The following UNC13C variants were observed in gnomAD, a reference collection of about 807,000 sequenced individuals.
UNC13C encodes protein unc-13 homolog C.
In UNC13C, 174 loss-of-function variants were observed where a neutral mutation model predicts 245.4. That is an observed-to-expected ratio of 0.71 (90% CI 0.63 to 0.80). The LOEUF (loss-of-function observed/expected upper bound fraction) is 0.80, where lower values mean the gene tolerates loss of function less well. Among genes scored for constraint, UNC13C ranks in the 30% least tolerant of loss-of-function variants. The pLI is 0.00. For missense variants in UNC13C, 2,829 were observed against 2,602.9 expected (o/e 1.09, Z -1.89); for synonymous variants, 992 against 895.1 (o/e 1.11, Z -1.93).
At chr15:54,384,503 C>A (rs1016982778) in intron 17 of UNC13C, among the ~76,000 whole-genome samples, 19 of 151,918 alleles carry the variant, frequency 1.3e-4, no homozygotes, top group African/African-American at 4.6e-4. Context: ...ATACAAAAGG[C>A]AACTCAATAT....
chr15:54,180,818 T>G (rs1435102320), intron 4 of UNC13C, among the ~76,000 whole-genome samples: 1 of 152,104 alleles, frequency 6.6e-6, no homozygotes, highest in Non-Finnish European at 1.5e-5. Flanking sequence ...CTCGTATCTT[T>G]GGTCCATTTT....
chr15:54,530,871 T>G (rs1481311639), intron 25 of UNC13C, among the ~76,000 whole-genome samples: 1 of 152,158 alleles, frequency 6.6e-6, no homozygotes, highest in African/African-American at 2.4e-5. Context: ...GCTTTCAGTC[T>G]GTCAAATACA....
At chr15:54,524,921 G>T (rs868162553) in intron 24 of UNC13C, among the ~76,000 whole-genome samples, 3 of 152,094 alleles carry the variant, frequency 2.0e-5, no homozygotes, top group Non-Finnish European at 2.9e-5. Context: ...ATTTCTCTCT[G>T]CTTGATACAA....
intron 4 of UNC13C, among the ~76,000 whole-genome samples, chr15:54,231,107 A>C (rs772231907): frequency 9.2e-5 from 14 of 152,190 alleles, no homozygotes; most frequent in Admixed American, 3.9e-4. Flanking sequence ...TTTGAGGAAT[A>C]CTGAGGCTAT....
intron 22 of UNC13C, among the ~76,000 whole-genome samples, chr15:54,505,871 T>C (rs1894451803): frequency 6.6e-6 from 1 of 152,012 alleles, no homozygotes. Flanking sequence ...TGTAGGCTAT[T>C]ACGTGTGAGA....
chr15:54,431,485 A>C (rs764405818), intron 19 of UNC13C, among the ~76,000 whole-genome samples: 1 of 151,780 alleles, frequency 6.6e-6, no homozygotes, highest in Admixed American at 6.6e-5. Flanking sequence ...GTGTACAACT[A>C]TCTGGTTTTA....
intron 24 of UNC13C, among the ~76,000 whole-genome samples, chr15:54,515,000 T>C (rs1048743050): frequency 1.3e-5 from 2 of 152,160 alleles, no homozygotes; most frequent in African/African-American, 4.8e-5. Context: ...TCTTCTCCTC[T>C]AAAGTGATTT....
intron 13 of UNC13C, among the ~76,000 whole-genome samples, chr15:54,305,743 A>G (rs993134361): frequency 4.6e-5 from 7 of 152,068 alleles, no homozygotes; most frequent in Non-Finnish European, 1.5e-5. Context: ...AAACTCAGCT[A>G]CAAAGAAGAA....
the UNC13C span, among the ~76,000 whole-genome samples, chr15:53,909,346 A>C: frequency 6.8e-6 from 1 of 146,818 alleles, no homozygotes; most frequent in Non-Finnish European, 1.5e-5. Context: ...CTAACAATGA[A>C]ATATGAATCA....
chr15:54,038,124 ATTTTT>A (rs58063301), intron 2 of UNC13C, among the ~76,000 whole-genome samples: 2 of 45,034 alleles, frequency 4.4e-5, no homozygotes, highest in South Asian at 1.2e-3. Flanking sequence ...ATATATATAT[ATTTTT>A]TTTTTTTTTT....
At chr15:53,981,419 C>T (rs1289822730) in intron 1 of UNC13C, among the ~76,000 whole-genome samples, 4 of 152,140 alleles carry the variant, frequency 2.6e-5, no homozygotes, top group Non-Finnish European at 5.9e-5. Context: ...CTGAAATACA[C>T]TTTTATAGCT....
At position 54,305,208 on chromosome 15, in the gene UNC13C, G is replaced by C. The variant is rs189738961; in HGVS notation, c.4268+4835G>C. Among the ~76,000 whole-genome samples the C allele has an allele frequency of 9.2e-5, 14 of 152,160 alleles. No individual in the cohort carries two copies. The East Asian group carries it at 1.7e-3, about 19-fold the overall frequency. Reference sequence around the variant, plus strand: ...TTACATTTATTTTTACCTTCTCCTAGTGTGTTTCTAGATGCCAGAGTTTTT... The same window carrying C: ...TTACATTTATTTTTACCTTCTCCTACTGTGTTTCTAGATGCCAGAGTTTTT... On this transcript the variant is annotated intron_variant, in intron 13 of 32. Transcript: ENST00000260323.
the UNC13C span, among the ~76,000 whole-genome samples, chr15:53,854,122 G>GTTTTTTTATT: frequency 7.5e-6 from 1 of 133,578 alleles, no homozygotes; most frequent in Non-Finnish European, 1.6e-5. Flanking sequence ...GTTTTTATAG[G>GTTTTTTTATT]TTTTTTTTTT....
At chr15:54,120,624 A>G (rs2030600911) in intron 2 of UNC13C, among the ~76,000 whole-genome samples, 2 of 152,086 alleles carry the variant, frequency 1.3e-5, no homozygotes, top group Admixed American at 1.3e-4. Flanking sequence ...GCTGCCAAAC[A>G]TAGTGATTTA....
At position 54,197,278 on chromosome 15, in the gene UNC13C, A is replaced by T. The variant is rs530120645; in HGVS notation, c.3072-37752A>T. On this transcript the variant is annotated intron_variant, in intron 4 of 32. Coordinates refer to ENST00000260323, the MANE Select transcript of UNC13C (RefSeq NM_001080534.3). ...GATCACCTGAGGTCAGGAGATCGAG[A>T]CCAGCCTGGCCAACATGGCAAAACC... Among the ~76,000 whole-genome samples the T allele has an allele frequency of 3.7e-3, 569 of 152,170 alleles. 6 individuals carry two copies. The highest frequency in any genetic ancestry group is 0.013 in the African/African-American group (547 of 41,520).
At chr15:54,335,398 T>G (rs2038547454) in intron 16 of UNC13C, among the ~76,000 whole-genome samples, 1 of 152,206 alleles carries the variant, frequency 6.6e-6, no homozygotes, top group South Asian at 2.1e-4. Context: ...TTTCTTCTCC[T>G]GTTATTCTTT....
chr15:53,975,178 A>C (rs1893657329), upstream of UNC13C, among the ~76,000 whole-genome samples: 1 of 152,230 alleles, frequency 6.6e-6, no homozygotes, highest in African/African-American at 2.4e-5. Context: ...CCATACTTTA[A>C]TGGAAAGCTT....
chr15:54,414,847 A>G (rs1567252103), intron 18 of UNC13C, 135 bp from the exon 19 acceptor site: 2 of 520,386 alleles, frequency 3.8e-6, no homozygotes, highest in Non-Finnish European at 6.6e-6. Context: ...ACGAAAGTTC[A>G]TAAAGAGAAA....
chr15:54,598,505 T>A (rs993770696), intron 30 of UNC13C, among the ~76,000 whole-genome samples: 2 of 152,182 alleles, frequency 1.3e-5, no homozygotes, highest in Non-Finnish European at 2.9e-5. Context: ...CAGAGGCACA[T>A]CCAGGCACAG....
Sources: allele counts gnomAD v4.1 joint callset (sites outside exome capture counted in the v4.1 genomes callset), GRCh38; gene constraint gnomAD v4.1.1; transcripts MANE v1.5; gene names NCBI Gene and HGNC (gene_info 2026-07-23, HGNC 2026-07-21).